The following HDGFL2 variants were observed in gnomAD, a reference collection of about 807,000 sequenced individuals.
HDGFL2 encodes HDGF like 2, also known as hepatoma-derived growth factor-related protein 2.
In HDGFL2, 36 loss-of-function variants were observed where a neutral mutation model predicts 77.1. That is an observed-to-expected ratio of 0.47 (90% CI 0.36 to 0.62). The LOEUF (loss-of-function observed/expected upper bound fraction) is 0.62. Ranked by LOEUF, HDGFL2 falls within the 20% of genes least tolerant of loss-of-function variation. The probability of loss-of-function intolerance (pLI) is 0.00; values close to 1 mark genes in which losing one functional copy is unlikely to be tolerated. For missense variants in HDGFL2, 976 were observed against 973.4 expected (o/e 1.00, Z -0.04); for synonymous variants, 463 against 413.1 (o/e 1.12, Z -1.46).
chr19:4,478,918 C>T (rs1266440275), intron 3 of HDGFL2, among the ~76,000 whole-genome samples: 2 of 151,436 alleles, frequency 1.3e-5, no homozygotes, highest in African/African-American at 4.8e-5. Context: ...CTCCTGACCT[C>T]ATGATCTGCC....
chr19:4,498,660 C>G (rs1024481953), intron 12 of HDGFL2, among the ~76,000 whole-genome samples, 154 bp from the exon 13 acceptor site: 1 of 152,074 alleles, frequency 6.6e-6, no homozygotes, highest in African/African-American at 2.4e-5. Flanking sequence ...CCCTGGAGTT[C>G]CCCGTCAACT....
chr19:4,479,191 C>T (rs192150526), intron 3 of HDGFL2, among the ~76,000 whole-genome samples: 1 of 151,930 alleles, frequency 6.6e-6, no homozygotes, highest in Non-Finnish European at 1.5e-5. Flanking sequence ...CGGGCTCACG[C>T]CTGAAATCCC....
At chr19:4,485,364 A>G (rs911975859) in intron 3 of HDGFL2, among the ~76,000 whole-genome samples, 25 of 152,210 alleles carry the variant, frequency 1.6e-4, no homozygotes, top group African/African-American at 6.0e-4. Context: ...TGGCCAAGTC[A>G]TATTCTATCC....
chr19:4,497,986 C>T lies in HDGFL2; in HGVS notation c.1357C>T (p.Arg453Trp), dbSNP rs761868487. 8.8e-5 allele frequency: 137 copies of T among 1,555,790 alleles called. No homozygotes were observed. Among genetic ancestry groups the T allele is most frequent in the East Asian group, 3.1e-4 (13 of 41,488 alleles). ...CGTGAAGGTGGAGCGGACCCGGAAG[C>T]GGTCCGAGGGCTTCTCGATGGACAG... ...KPVKVERTRKRSEGFSMDRKV... is the reference protein window; with the variant it reads ...KPVKVERTRKWSEGFSMDRKV... Residue 453 changes from arginine (R) to tryptophan (W), a missense_variant, in exon 11 of 16, where the codon CGG becomes TGG. Coordinates refer to ENST00000616600, the MANE Select transcript of HDGFL2 (RefSeq NM_001001520.3).
rs560692780 is a variant in HDGFL2 at position 4,485,164 on chromosome 19, C to A, written c.289-3512C>A. On this transcript the variant is annotated intron_variant, in intron 3 of 15. Transcript: ENST00000616600. Reference sequence around the variant, plus strand: ...CTACCTGCTAGGTATCCCCCCAATTCTCTTCTCCCCTCAAGCCTCAGGCAA... The same window carrying A: ...CTACCTGCTAGGTATCCCCCCAATTATCTTCTCCCCTCAAGCCTCAGGCAA... 2.1e-4 allele frequency among the ~76,000 whole-genome samples: 32 copies of A among 152,272 alleles called. No homozygotes were observed. The East Asian group carries it at 5.8e-3, about 28-fold the overall frequency.
In HDGFL2 at chr19:4,472,314, C is replaced by T. The variant is rs1430771798; in HGVS notation, c.-37C>T. 3 of 1,455,840 alleles carry T rather than the reference C, an allele frequency of 2.1e-6. No individual in the cohort carries two copies. The highest frequency in any genetic ancestry group is 5.1e-5 in the Admixed American group (2 of 39,412). 90.2% of individuals were successfully genotyped at this position (1,455,840 alleles called of 1,614,324 possible). ...GCCGCCGCAGCCGCTACCGCCGCTG[C>T]AGCCGCTTTCCGCGGCCTGGGCCTC... On this transcript the variant is annotated 5_prime_UTR_variant, in exon 1 of 16. Coordinates refer to ENST00000616600, the MANE Select transcript of HDGFL2 (RefSeq NM_001001520.3).
intron 9 of HDGFL2, 38 bp downstream of exon 9, chr19:4,494,513 C>G: frequency 7.5e-7 from 1 of 1,336,790 alleles, no homozygotes; most frequent in South Asian, 1.9e-5. Context: ...TGCCTTCACT[C>G]CACACGTTTA....
In HDGFL2 at chr19:4,476,990, T is replaced by G. The variant is rs541043857; in HGVS notation, c.288+1407T>G. On this transcript the variant is annotated intron_variant, in intron 3 of 15. Transcript: ENST00000616600. ...CACAAGCTAGGGAAAACTTGGCCAT[T>G]AAGGAAGAAAAGCACATCCGAGGTG... is the stretch of plus-strand genomic sequence containing the variant. Among the ~76,000 whole-genome samples, 3 of 152,022 alleles carry G rather than the reference T, an allele frequency of 2.0e-5. No homozygotes were observed. In the South Asian group the frequency reaches 6.2e-4, roughly 32 times the overall value.
At position 4,488,814 on chromosome 19, in the gene HDGFL2, G is replaced by T; in HGVS notation, c.427G>T (p.Asp143Tyr). 6.4e-7 allele frequency: 1 copy of T among 1,551,704 alleles called. No individual in the cohort carries two copies. Among genetic ancestry groups the T allele is most frequent in the Non-Finnish European group, 8.7e-7 (1 of 1,147,074 alleles). The change falls in exon 4 of 16, where the codon GAC becomes TAC. Residue 143 changes from aspartate to tyrosine, a missense_variant. Physicochemically the swap from Asp to Tyr is radical, Grantham distance 160 (BLOSUM62 -3). This residue lies in a region of HDGFL2 where 567 missense variants were observed against 534.7 expected (regional missense o/e 1.06). Coordinates refer to ENST00000616600, the MANE Select transcript of HDGFL2 (RefSeq NM_001001520.3). ...ATAASDRMES[D>Y]SDSDKSSDNS... ...AGCTGCCAGCGACAGGATGGAGAGC[G>T]ACTCAGACTCAGACAAGAGTAGCGA...
Position 4,491,775 on chromosome 19 carries a change from T to C in HDGFL2, c.618T>C (p.Pro206=), listed in dbSNP as rs770587836. 1 of 1,613,884 alleles carries C rather than the reference T, an allele frequency of 6.2e-7. No homozygotes were observed. Among genetic ancestry groups the C allele is most frequent in the East Asian group, 2.2e-5 (1 of 44,862 alleles). The change falls in exon 6 of 16, where the codon CCT becomes CCC. Residue 206 remains proline, a synonymous_variant. Transcript: ENST00000616600. ...SEKTSDQDFT[P]EKKAAVRAPR... The stretch of plus-strand genomic sequence containing the variant: ...CTTCTCTCCCCCAGGACTTCACACC[T>C]GAGAAGAAAGCAGCGGTCCGGGCGC...
intron 3 of HDGFL2, among the ~76,000 whole-genome samples, chr19:4,484,404 T>C (rs866584029): frequency 6.6e-6 from 1 of 152,118 alleles, no homozygotes; most frequent in Non-Finnish European, 1.5e-5. Context: ...TTATTTTTTT[T>C]CCCATCGAGA....
intron 3 of HDGFL2, among the ~76,000 whole-genome samples, chr19:4,485,400 A>G (rs1975334204): frequency 6.6e-6 from 1 of 152,016 alleles, no homozygotes; most frequent in Non-Finnish European, 1.5e-5. Flanking sequence ...TTTGTTTATC[A>G]GTTAACGGAC....
intron 4 of HDGFL2, among the ~76,000 whole-genome samples, 173 bp downstream of exon 4, chr19:4,489,049 G>A (rs1368481693): frequency 6.6e-6 from 1 of 150,472 alleles, no homozygotes; most frequent in African/African-American, 2.5e-5. Flanking sequence ...CGCCTCCCAG[G>A]TTCAAGCAAT....
At chr19:4,498,497 C>T (rs1398476301) in intron 12 of HDGFL2, 121 bp downstream of exon 12, 6 of 797,088 alleles carry the variant, frequency 7.5e-6, no homozygotes, top group Non-Finnish European at 1.3e-5. Context: ...GGCCAGGAGT[C>T]TGTTCCGGTT....
chr19:4,491,599 A>G lies in HDGFL2; in HGVS notation c.523A>G (p.Ser175Gly), dbSNP rs1975514707. Reference protein sequence around the residue: ...SVSKRARKASSDLDQASVSPS... With the variant: ...SVSKRARKASGDLDQASVSPS... ...CTCGAAACGAGCCCGAAAGGCCTCCAGCGACCTGGATCAGGCCAGCGTGTC... is the reference window on the plus strand; with the variant it reads ...CTCGAAACGAGCCCGAAAGGCCTCCGGCGACCTGGATCAGGCCAGCGTGTC... Residue 175 changes from serine (S) to glycine (G), a missense_variant, in exon 5 of 16, where the codon AGC becomes GGC. By Grantham distance (56) the Ser-to-Gly change is moderately conservative. Coordinates refer to ENST00000616600, the MANE Select transcript of HDGFL2 (RefSeq NM_001001520.3). 1 of 1,613,778 alleles carries G rather than the reference A, an allele frequency of 6.2e-7. No homozygotes were observed. The highest frequency in any genetic ancestry group is 8.5e-7 in the Non-Finnish European group (1 of 1,180,052).
Position 4,494,287 on chromosome 19 carries a change from G to C in HDGFL2, c.1036G>C (p.Glu346Gln), listed in dbSNP as rs1975638779. The change falls in exon 9 of 16, where the codon GAG becomes CAG. Residue 346 changes from glutamate to glutamine, a missense_variant. Glu to Gln is a conservative substitution (Grantham distance 29). This residue lies in a region of HDGFL2 where 567 missense variants were observed against 534.7 expected (regional missense o/e 1.06). Transcript: ENST00000616600. ...EEELRRLREQ[E>Q]KEEKERRRER... The stretch of plus-strand genomic sequence containing the variant: ...GGAGCTGCGGCGCCTGCGGGAGCAG[G>C]AGAAGGAGGAGAAGGAGCGGAGGCG... 1 of 1,444,328 alleles carries C rather than the reference G, an allele frequency of 6.9e-7. No individual in the cohort carries two copies. The highest frequency in any genetic ancestry group is 1.5e-5 in the African/African-American group (1 of 66,870). 89.5% of individuals were successfully genotyped at this position (1,444,328 alleles called of 1,614,324 possible).
At chr19:4,485,339 C>T (rs1244883827) in intron 3 of HDGFL2, among the ~76,000 whole-genome samples, 1 of 152,158 alleles carries the variant, frequency 6.6e-6, no homozygotes, top group African/African-American at 2.4e-5. Flanking sequence ...TGGGTCAGAG[C>T]CTCGTTTCTT....
intron 3 of HDGFL2, among the ~76,000 whole-genome samples, chr19:4,485,664 C>T (rs1975340760): frequency 6.6e-6 from 1 of 151,926 alleles, no homozygotes; most frequent in Non-Finnish European, 1.5e-5. Flanking sequence ...ATGGCGTGAA[C>T]CCAGCAGGCG....
chr19:4,496,280 G>A (rs371507290), intron 9 of HDGFL2, 22 bp from the exon 10 acceptor site: 116 of 1,602,240 alleles, frequency 7.2e-5, no homozygotes, highest in Middle Eastern at 6.6e-4. Flanking sequence ...CTGCTCCAGC[G>A]CGCCCTTCCT....
Sources: allele counts gnomAD v4.1 joint callset (sites outside exome capture counted in the v4.1 genomes callset), GRCh38; gene constraint gnomAD v4.1.1; regional missense constraint gnomAD v4.1.1; transcripts MANE v1.5; gene names NCBI Gene and HGNC (gene_info 2026-07-23, HGNC 2026-07-21).